NPAS1: variants seen among roughly 807,000 people sequenced by gnomAD.
NPAS1 encodes neuronal PAS domain-containing protein 1.
Under a neutral mutation model 49.2 loss-of-function variants are expected in NPAS1, and 29 were observed. The ratio of observed to expected loss-of-function variants is 0.59; its 90% CI spans 0.44 to 0.80. NPAS1 has a LOEUF of 0.80. NPAS1 is among the 30% of genes least tolerant of loss of function. NPAS1 has a pLI of 0.00. For missense variants in NPAS1, 825 were observed against 835.5 expected (o/e 0.99, Z 0.15); for synonymous variants, 408 against 380.4 (o/e 1.07, Z -0.84).
chr19:47,041,508 A>C (rs956285637), intron 10 of NPAS1, among the ~76,000 whole-genome samples: 5 of 152,052 alleles, frequency 3.3e-5, no homozygotes, highest in Admixed American at 6.6e-5. Flanking sequence ...TGTTCCAAGC[A>C]GAGGAAGGGC....
rs1056996851 is a variant in NPAS1, at chr19:47,040,887, ACTCCTCCTGT to A, written c.1070-78_1070-69del. 5.7e-5 allele frequency: 63 copies of A among 1,112,948 alleles called. 1 individual carries two copies. In the Middle Eastern group the frequency reaches 8.2e-4, roughly 15 times the overall value. The allele number at this position is 1,112,948 out of a possible 1,614,324, so 68.9% of individuals were successfully genotyped here. A position where few individuals can be genotyped will look rare whatever the true frequency, so the allele number is the denominator to read the frequency against. The stretch of plus-strand genomic sequence containing the variant: ...TCTCCCTGCCCACTCCCCTGCTCTC[ACTCCTCCTGT>A]CTCCTCCTGTCTACCTGGCTCTCTG... On this transcript the variant is annotated intron_variant, in intron 9 of 11. Coordinates refer to ENST00000602212, the MANE Select transcript of NPAS1 (RefSeq NM_002517.4).
At chr19:47,040,591 C>G (rs2057008241) in intron 9 of NPAS1, 41 bp downstream of exon 9, 1 of 1,403,668 alleles carries the variant, frequency 7.1e-7, no homozygotes, top group African/African-American at 1.4e-5. Context: ...CTACCACCCC[C>G]CAGACCCGAG....
intron 6 of NPAS1, among the ~76,000 whole-genome samples, chr19:47,036,861 G>A (rs1171597011): frequency 6.6e-6 from 1 of 151,868 alleles, no homozygotes; most frequent in South Asian, 2.1e-4. Flanking sequence ...CAGCCTGGGC[G>A]AGTCCAAGAC....
At chr19:47,028,564 C>T (rs987065251) in intron 3 of NPAS1, among the ~76,000 whole-genome samples, 2 of 152,172 alleles carry the variant, frequency 1.3e-5, no homozygotes, top group Non-Finnish European at 2.9e-5. Flanking sequence ...CAGCCAGGCC[C>T]TTCTGTCTGT....
intron 3 of NPAS1, among the ~76,000 whole-genome samples, chr19:47,025,657 C>G (rs929280772): frequency 1.4e-4 from 21 of 151,984 alleles, no homozygotes; most frequent in African/African-American, 4.8e-4. Context: ...CTCACTGCAG[C>G]CTCCACCTAC....
chr19:47,030,267 C>A (rs1438987977), intron 3 of NPAS1, among the ~76,000 whole-genome samples: 1 of 152,080 alleles, frequency 6.6e-6, no homozygotes, highest in Non-Finnish European at 1.5e-5. Flanking sequence ...TGTGATCCAC[C>A]CGCCTCGGCC....
At chr19:47,031,634 G>C (rs896398686) in intron 3 of NPAS1, among the ~76,000 whole-genome samples, 1 of 150,772 alleles carries the variant, frequency 6.6e-6, no homozygotes, top group African/African-American at 2.4e-5. Flanking sequence ...GGTTTCAAGC[G>C]ATTCTCCTGC....
intron 6 of NPAS1, among the ~76,000 whole-genome samples, chr19:47,037,266 G>A (rs1009652444): frequency 7.1e-6 from 1 of 140,186 alleles, no homozygotes; most frequent in Non-Finnish European, 1.5e-5. Context: ...CAGGAGAATC[G>A]CTTGAACCTG....
intron 3 of NPAS1, among the ~76,000 whole-genome samples, chr19:47,031,773 C>T (rs561022274): frequency 2.2e-4 from 34 of 151,686 alleles, no homozygotes; most frequent in African/African-American, 6.8e-4. Context: ...TTGTGATCTG[C>T]CTGCCTCAGC....
chr19:47,021,923 G>C lies in NPAS1; in HGVS notation c.358+76G>C. 1.1e-6 allele frequency: 1 copy of C among 938,834 alleles called. No homozygotes were observed. The allele number at this position is 938,834 out of a possible 1,614,324, so 58.2% of individuals were successfully genotyped here. ...ACTGCAGCCCAGATCCGGGCTGCGG[G>C]CCTGCCCTCGCCCAGATGCTTGTCT... On this transcript the variant is annotated intron_variant, in intron 3 of 11. Transcript: ENST00000602212. This position sits in a 1 kb window ranked among gnomAD's most constrained non-coding sequence, Gnocchi z 5.7.
At chr19:47,023,617 C>A (rs976049969) in intron 3 of NPAS1, among the ~76,000 whole-genome samples, 8 of 152,184 alleles carry the variant, frequency 5.3e-5, no homozygotes, top group Non-Finnish European at 1.2e-4. Flanking sequence ...GAGCAGAGCA[C>A]TGTCAGTCAC....
intron 5 of NPAS1, 122 bp downstream of exon 5, chr19:47,032,854 G>A (rs1196159202): frequency 7.0e-6 from 5 of 714,148 alleles, no homozygotes; most frequent in East Asian, 5.4e-5. Context: ...GATCTCTGTG[G>A]TCCCCAAAGT....
rs2112838 is a variant in NPAS1, at chr19:47,021,349, A to C, written c.122+180A>C. 0.022 allele frequency among the ~76,000 whole-genome samples: 3,408 copies of C among 152,260 alleles called. 51 individuals are homozygous for C. Among genetic ancestry groups the C allele is most frequent in the South Asian group, 0.05 (240 of 4,828 alleles). ...GCCCGGTCCCCTGCGTTCTGCTTCTAGTCCCGGTCCTCAGAATTCACGCCC... is the reference window on the plus strand; with the variant it reads ...GCCCGGTCCCCTGCGTTCTGCTTCTCGTCCCGGTCCTCAGAATTCACGCCC... On this transcript the variant is annotated intron_variant, in intron 2 of 11. Coordinates refer to ENST00000602212, the MANE Select transcript of NPAS1 (RefSeq NM_002517.4). This position sits in a 1 kb window ranked among gnomAD's most constrained non-coding sequence, Gnocchi z 5.7.
intron 3 of NPAS1, among the ~76,000 whole-genome samples, chr19:47,023,394 C>T (rs2056853723): frequency 6.6e-6 from 1 of 152,138 alleles, no homozygotes; most frequent in East Asian, 1.9e-4. Context: ...AGAGCATGGA[C>T]TTAATCGATC....
At chr19:47,026,188 C>T (rs1361570250) in intron 3 of NPAS1, among the ~76,000 whole-genome samples, 1 of 152,182 alleles carries the variant, frequency 6.6e-6, no homozygotes, top group Non-Finnish European at 1.5e-5. Flanking sequence ...ATCCATCCAC[C>T]TCAGCCTCCC....
chr19:47,035,935 C>G (rs753926301), intron 5 of NPAS1, 29 bp from the exon 6 acceptor site: 1 of 1,492,438 alleles, frequency 6.7e-7, no homozygotes, highest in South Asian at 1.4e-5. Flanking sequence ...ACCTCACCCG[C>G]CCCCTGCATT....
chr19:47,035,427 A>T (rs1345530156), intron 5 of NPAS1: 1 of 153,322 alleles, frequency 6.5e-6, no homozygotes, highest in Non-Finnish European at 1.5e-5. Flanking sequence ...GGGCAGAAAC[A>T]CAGTGGGGAG....
Position 47,045,506 on chromosome 19 carries a change from G to A in NPAS1, c.1628G>A (p.Arg543His). The A allele has an allele frequency of 6.5e-7, 1 of 1,548,872 alleles. No homozygotes were observed. Among genetic ancestry groups the A allele is most frequent in the Non-Finnish European group, 8.7e-7 (1 of 1,152,606 alleles). ...VRGLCTPGTI[R>H]YGPAELGLVY... is the part of the protein sequence containing the mutation. ...GGCCTGTGCACACCCGGCACCATCC[G>A]CTACGGCCCCGCGGAGCTGGGCCTG... The change falls in exon 12 of 12, where the codon CGC (arginine) becomes CAC (histidine). Residue 543 changes from arginine (R) to histidine (H), a missense_variant. By Grantham distance (29) the Arg-to-His change is conservative (BLOSUM62 0). Coordinates refer to ENST00000602212, the MANE Select transcript of NPAS1 (RefSeq NM_002517.4).
chr19:47,045,674 C>T lies in NPAS1; in HGVS notation c.*23C>T, dbSNP rs2122573996. 3 of 1,398,996 alleles carry T rather than the reference C, an allele frequency of 2.1e-6. No individual in the cohort carries two copies. The highest frequency in any genetic ancestry group is 1.6e-5 in the South Asian group (1 of 64,112). The allele number at this position is 1,398,996 out of a possible 1,614,324, so 86.7% of individuals were successfully genotyped here. On this transcript the variant is annotated 3_prime_UTR_variant, in exon 12 of 12. Coordinates refer to ENST00000602212, the MANE Select transcript of NPAS1 (RefSeq NM_002517.4). ...TGAGGACTGGCAGAGCTGCCGGCGCCGGACCCTGCGACAACCGGGGTCCCC... is the reference window on the plus strand; with the variant it reads ...TGAGGACTGGCAGAGCTGCCGGCGCTGGACCCTGCGACAACCGGGGTCCCC...
Sources: allele counts gnomAD v4.1 joint callset (sites outside exome capture counted in the v4.1 genomes callset), GRCh38; gene constraint gnomAD v4.1.1; non-coding constraint Gnocchi (gnomAD v3.1); transcripts MANE v1.5; gene names NCBI Gene and HGNC (gene_info 2026-07-23, HGNC 2026-07-21).